Variants in HSD17B2 observed in about 807,000 individuals in gnomAD.
The protein encoded by HSD17B2 is hydroxysteroid 17-beta dehydrogenase 2, also known as 17-beta-hydroxysteroid dehydrogenase type 2.
A neutral mutation model predicts 26.9 loss-of-function variants in HSD17B2; 32 were observed. The observed-to-expected ratio is 1.19, with a 90% CI of 0.90 to 1.60. The LOEUF is 1.60. HSD17B2 is among the 40% of genes most tolerant of loss of function. The pLI is 0.00. For synonymous variants in HSD17B2, 246 were observed against 186.7 expected (o/e 1.32, Z -2.59); for missense variants, 613 against 468.6 (o/e 1.31, Z -2.85).
intron 3 of HSD17B2, among the ~76,000 whole-genome samples, chr16:82,086,002 T>C (rs981518808): frequency 1.4e-4 from 21 of 151,892 alleles, no homozygotes; most frequent in African/African-American, 4.3e-4. Flanking sequence ...TGTGGAGAAA[T>C]TGGAACCCTC....
Position 82,098,343 on chromosome 16 carries a change from C to T in HSD17B2, c.1071C>T (p.Gly357=). The T allele has an allele frequency of 1.2e-6, 2 of 1,614,152 alleles. No homozygotes were observed. The highest frequency in any genetic ancestry group is 1.7e-6 in the Non-Finnish European group (2 of 1,180,008). ...GCCTTGCTCACTATTTGCCTATTGG[C>T]ATATATGATTACTTTGCTAAAAGAC... ...WICLAHYLPI[G]IYDYFAKRHF... is the part of the protein sequence containing the mutation. The change falls in exon 5 of 5, where the codon GGC becomes GGT. Residue 357 remains glycine (G), a synonymous_variant. Transcript: ENST00000199936.
chr16:82,038,359 T>G (rs894613712), intron 1 of HSD17B2, among the ~76,000 whole-genome samples: 1 of 152,170 alleles, frequency 6.6e-6, no homozygotes, highest in African/African-American at 2.4e-5. Context: ...TTATTTCATT[T>G]TATTTTTTGA....
At chr16:82,056,918 G>A (rs1330713434) in intron 1 of HSD17B2, among the ~76,000 whole-genome samples, 3 of 152,126 alleles carry the variant, frequency 2.0e-5, no homozygotes, top group African/African-American at 7.2e-5. Flanking sequence ...CTGAAGCTTG[G>A]TTTCCTCACC....
intron 1 of HSD17B2, among the ~76,000 whole-genome samples, chr16:82,062,621 C>T (rs1023888715): frequency 1.3e-5 from 2 of 151,824 alleles, no homozygotes; most frequent in Non-Finnish European, 2.9e-5. Flanking sequence ...GCCTCAGTTT[C>T]CTCCTCTGTA....
chr16:82,098,434 T>G lies in HSD17B2; in HGVS notation c.1162T>G (p.Ter388GluextTer12). Residue 388 changes from the stop codon to glutamate, a stop_lost, in exon 5 of 5, where the codon TAG becomes GAG. Transcript: ENST00000199936. ...GCCTAACTACAAGAAAAAGGCCACC[T>G]AGGCAATGGAAGCCCTCAAAGAAGT... The part of the protein sequence containing the change: ...RMPNYKKKAT[*>E] 4 of 1,591,636 alleles carry G rather than the reference T, an allele frequency of 2.5e-6. No homozygotes were observed. Among genetic ancestry groups the G allele is most frequent in the East Asian group, 4.5e-5 (2 of 44,614 alleles).
At position 82,035,405 on chromosome 16, in the gene HSD17B2, G is replaced by A. The variant is rs1196487924; in HGVS notation, c.-20G>A. ...GACTCACTGGCCCTGAGCACTTGAA[G>A]GTGCAGCAAGTCACTGAGAATGAGC... On this transcript the variant is annotated 5_prime_UTR_variant, in exon 1 of 5. Transcript: ENST00000199936. The A allele has an allele frequency of 9.4e-6, 15 of 1,602,310 alleles. No homozygotes were observed. The highest frequency in any genetic ancestry group is 6.7e-5 in the South Asian group (6 of 90,062).
intron 3 of HSD17B2, among the ~76,000 whole-genome samples, chr16:82,087,872 C>T (rs905552956): frequency 6.6e-6 from 1 of 152,008 alleles, no homozygotes; most frequent in Admixed American, 6.6e-5. Flanking sequence ...CCAAAATCCC[C>T]TTTTTATGAC....
intron 3 of HSD17B2, among the ~76,000 whole-genome samples, chr16:82,088,196 C>T (rs570606353): frequency 2.6e-5 from 4 of 152,258 alleles, no homozygotes; most frequent in African/African-American, 9.6e-5. Context: ...TAGTAAACAA[C>T]GGCTGCTGGA....
chr16:82,089,701 T>C (rs756264724), intron 3 of HSD17B2, among the ~76,000 whole-genome samples: 4 of 152,308 alleles, frequency 2.6e-5, no homozygotes, highest in East Asian at 1.9e-4. Context: ...CTTTCAGCTA[T>C]TGGTGGCCCT....
chr16:82,072,625 T>A (rs941949031), intron 3 of HSD17B2, among the ~76,000 whole-genome samples: 15 of 152,220 alleles, frequency 9.9e-5, no homozygotes, highest in Non-Finnish European at 4.4e-5. Context: ...TTCACTTTAG[T>A]TATTGCCAAA....
chr16:82,040,993 T>C (rs1171654723), intron 1 of HSD17B2, among the ~76,000 whole-genome samples: 2 of 152,216 alleles, frequency 1.3e-5, no homozygotes, highest in Non-Finnish European at 2.9e-5. Flanking sequence ...CCACTTATCA[T>C]GCGGTTTAAG....
At chr16:82,084,154 G>A (rs1337496700) in intron 3 of HSD17B2, among the ~76,000 whole-genome samples, 1 of 152,190 alleles carries the variant, frequency 6.6e-6, no homozygotes, top group African/African-American at 2.4e-5. Flanking sequence ...CACCTTACTT[G>A]TCATGTCTCT....
chr16:82,090,256 T>C (rs544948760), intron 3 of HSD17B2: 2 of 916,122 alleles, frequency 2.2e-6, no homozygotes, highest in African/African-American at 3.7e-5. Context: ...GGCTAGAAGA[T>C]CAGGGCCTGG....
At chr16:82,047,521 C>G (rs540146124) in intron 1 of HSD17B2, among the ~76,000 whole-genome samples, 2 of 152,074 alleles carry the variant, frequency 1.3e-5, no homozygotes, top group Non-Finnish European at 2.9e-5. Context: ...AGCAGGTAGG[C>G]AAGAAGCCAG....
At chr16:82,073,372 C>T (rs576991679) in intron 3 of HSD17B2, among the ~76,000 whole-genome samples, 2 of 152,110 alleles carry the variant, frequency 1.3e-5, no homozygotes, top group African/African-American at 4.8e-5. Flanking sequence ...CTACAGACGC[C>T]CCCACCACAC....
chr16:82,051,242 T>A (rs1914097227), intron 1 of HSD17B2, among the ~76,000 whole-genome samples: 1 of 152,250 alleles, frequency 6.6e-6, no homozygotes, highest in South Asian at 2.1e-4. Flanking sequence ...CGGCTCCTGG[T>A]ATGCAGTAGA....
chr16:82,066,433 A>G (rs1914574517), intron 1 of HSD17B2, among the ~76,000 whole-genome samples: 1 of 152,154 alleles, frequency 6.6e-6, no homozygotes, highest in Admixed American at 6.5e-5. Context: ...CATGCCAACC[A>G]TGCTAGGATC....
rs547201903 is a variant in HSD17B2, at chr16:82,061,919, T to C, written c.266-6251T>C. On this transcript the variant is annotated intron_variant, in intron 1 of 4. Transcript: ENST00000199936. ...GTGCTTGTGTTCCAGGGCACATGCA[T>C]CCCAGCACTCAGTCCTGTATTTACA... 4.0e-3 allele frequency among the ~76,000 whole-genome samples: 611 copies of C among 152,334 alleles called. 3 individuals carry two copies. The highest frequency in any genetic ancestry group is 0.014 in the African/African-American group (581 of 41,570).
At chr16:82,047,245 G>T (rs899396498) in intron 1 of HSD17B2, among the ~76,000 whole-genome samples, 1 of 152,154 alleles carries the variant, frequency 6.6e-6, no homozygotes, top group Non-Finnish European at 1.5e-5. Context: ...CATGCCCGGG[G>T]TTTGTTACCT....
Sources: gnomAD v4.1 joint callset for allele counts (sites outside exome capture counted in the v4.1 genomes callset) on GRCh38, gnomAD v4.1.1 for gene constraint, MANE v1.5 for transcripts, NCBI Gene and HGNC (gene_info 2026-07-23, HGNC 2026-07-21) for gene names.